CERS3: variants seen among roughly 807,000 people sequenced by gnomAD.
CERS3 encodes the protein LAG1 homolog, ceramide synthase 3.
CERS3 carries 33 observed loss-of-function variants against 50.3 expected under a neutral mutation model. The observed-to-expected ratio is 0.66, with a 90% CI of 0.50 to 0.88. The LOEUF (loss-of-function observed/expected upper bound fraction) is 0.88. CERS3 is among the 40% of genes least tolerant of loss of function. CERS3 has a pLI of 0.00. For missense variants in CERS3, 470 were observed against 460.3 expected, an observed-to-expected ratio of 1.02 and a Z score of -0.19; for synonymous variants, 176 against 155.2, an observed-to-expected ratio of 1.13 and a Z score of -0.99.
chr15:100,473,547 G>C (rs2035033844), intron 8 of CERS3, among the ~76,000 whole-genome samples: 1 of 152,178 alleles, frequency 6.6e-6, no homozygotes, highest in Admixed American at 6.5e-5. Context: ...ACACATGAAA[G>C]CATGCTCAAT....
chr15:100,440,698 A>G (rs1006664321), intron 11 of CERS3, among the ~76,000 whole-genome samples: 3 of 152,174 alleles, frequency 2.0e-5, no homozygotes, highest in African/African-American at 7.2e-5. Context: ...AGATCCACCT[A>G]CGACCTCAGG....
chr15:100,424,219 G>A (rs2032663207), intron 11 of CERS3, among the ~76,000 whole-genome samples: 1 of 152,194 alleles, frequency 6.6e-6, no homozygotes, highest in South Asian at 2.1e-4. Context: ...GGGATTACAG[G>A]TGTGAGCCAC....
intron 8 of CERS3, 144 bp downstream of exon 8, chr15:100,475,942 T>C (rs1222737246): frequency 2.5e-6 from 1 of 403,362 alleles, no homozygotes; most frequent in Non-Finnish European, 4.5e-6. Context: ...TAATTAGCAA[T>C]ATTTTATGTA....
In CERS3 at chr15:100,490,877, C is replaced by T; in HGVS notation, c.228G>A (p.Lys76=). 6.2e-7 allele frequency: 1 copy of T among 1,611,780 alleles called. No homozygotes were observed. The highest frequency in any genetic ancestry group is 1.1e-5 in the South Asian group (1 of 90,728). Residue 76 remains lysine, a synonymous_variant, in exon 4 of 12, where the codon AAG becomes AAA. Transcript: ENST00000679737. ...KSFGIKETVR[K]VTPNTVLENF... is the part of the protein sequence containing the mutation. ...TCTCTAAGACAGTATTTGGTGTAACCTTTCGAACTGTCTCTTTAATGCCAA... is the reference window on the plus strand; with the variant it reads ...TCTCTAAGACAGTATTTGGTGTAACTTTTCGAACTGTCTCTTTAATGCCAA...
intron 1 of CERS3, among the ~76,000 whole-genome samples, chr15:100,525,978 G>A (rs908763780): frequency 5.3e-5 from 8 of 152,162 alleles, no homozygotes; most frequent in Admixed American, 1.3e-4. Flanking sequence ...CAATTAGATC[G>A]TTGTATTGTG....
intron 3 of CERS3, among the ~76,000 whole-genome samples, chr15:100,493,891 C>T (rs2134613): frequency 0.93 from 141,925 of 152,082 alleles, 66,268 homozygotes; most frequent in East Asian, 0.99. Flanking sequence ...TGGTGAGACA[C>T]TGTTTTCATG....
At chr15:100,502,267 A>AAAAAAAAAAAAAAAAAAAAAAAAG (rs2036033219) in intron 2 of CERS3, among the ~76,000 whole-genome samples, 6 of 109,256 alleles carry the variant, frequency 5.5e-5, no homozygotes, top group Non-Finnish European at 7.2e-5. Flanking sequence ...AAAAAAAAAA[A>AAAAAAAAAAAAAAAAAAAAAAAAG]AAAGAAAGAA....
rs867621204 is a variant in CERS3 at position 100,528,899 on chromosome 15, T to C, written c.-178A>G. ...CTTCCAACGTTCCAACCAGCTTCGT[T>C]CTCCTCAGAGAGCAGCACAACTCAT... On this transcript the variant is annotated 5_prime_UTR_variant, in exon 1 of 12. Transcript: ENST00000679737. The C allele has an allele frequency of 6.6e-6, 1 of 152,110 alleles. No individual in the cohort carries two copies. Among genetic ancestry groups the C allele is most frequent in the Non-Finnish European group, 1.5e-5 (1 of 68,026 alleles). The allele number at this position is 152,110 out of a possible 1,614,324, so 9.4% of individuals were successfully genotyped here.
chr15:100,455,345 C>T (rs141820671), intron 11 of CERS3, among the ~76,000 whole-genome samples: 227 of 151,692 alleles, frequency 1.5e-3, no homozygotes, highest in Non-Finnish European at 2.7e-3. Flanking sequence ...AGAAAGGCTG[C>T]ATAATAGGTA....
In CERS3 at chr15:100,506,460, G is replaced by GACCC. The variant is rs1555533146; in HGVS notation, c.-1-4614_-1-4611dup. Reference sequence around the variant, plus strand: ...TGCTGACGGGGTGTGAAGAAATCGGGACCCCCCCGCCGCCCCACACACACA... The same window carrying GACCC: ...TGCTGACGGGGTGTGAAGAAATCGGGACCCACCCCCCCGCCGCCCCACACACACA... On this transcript the variant is annotated intron_variant, in intron 2 of 11. Transcript: ENST00000679737. 2.0e-3 allele frequency among the ~76,000 whole-genome samples: 15 copies of GACCC among 7,578 alleles called. No homozygotes were observed. The Non-Finnish European group carries it at 0.023, about 12-fold the overall frequency. 5.0% of individuals were successfully genotyped at this position (7,578 alleles called of 152,430 possible).
intron 4 of CERS3, among the ~76,000 whole-genome samples, chr15:100,486,539 C>T (rs2035491042): frequency 1.3e-5 from 2 of 152,174 alleles, no homozygotes; most frequent in African/African-American, 4.8e-5. Context: ...GAAAGGAAAC[C>T]ATGGACTACA....
chr15:100,414,034 A>G (rs1199951598), intron 11 of CERS3, among the ~76,000 whole-genome samples: 1 of 152,198 alleles, frequency 6.6e-6, no homozygotes, highest in Non-Finnish European at 1.5e-5. Context: ...AGCTGGTACC[A>G]ATCCTACTGA....
intron 9 of CERS3, 25 bp downstream of exon 9, chr15:100,472,899 T>C (rs775958807): frequency 6.2e-7 from 1 of 1,613,620 alleles, no homozygotes; most frequent in Non-Finnish European, 8.5e-7. Context: ...GTATTGTCAT[T>C]AGTTTTTTAA....
chr15:100,527,231 A>G (rs1350002896), intron 1 of CERS3, among the ~76,000 whole-genome samples: 4 of 152,210 alleles, frequency 2.6e-5, no homozygotes, highest in Admixed American at 2.6e-4. Context: ...CAGGAGGCAG[A>G]GGTTTCAGAG....
intron 11 of CERS3, among the ~76,000 whole-genome samples, chr15:100,411,422 A>G (rs566230039): frequency 1.4e-4 from 22 of 152,234 alleles, no homozygotes; most frequent in Admixed American, 8.5e-4. Flanking sequence ...TCGGGCTCCC[A>G]AAGTGTTGGG....
intron 1 of CERS3, among the ~76,000 whole-genome samples, chr15:100,536,700 A>G (rs1375988158): frequency 1.3e-5 from 2 of 152,246 alleles, no homozygotes; most frequent in Non-Finnish European, 2.9e-5. Context: ...TGACTGTCTT[A>G]GTCTGGAAGA....
At chr15:100,455,302 G>A (rs2034328830) in intron 11 of CERS3, among the ~76,000 whole-genome samples, 1 of 152,088 alleles carries the variant, frequency 6.6e-6, no homozygotes, top group Non-Finnish European at 1.5e-5. Flanking sequence ...ACCAGATTGG[G>A]AAGGGTGTGT....
intron 11 of CERS3, among the ~76,000 whole-genome samples, chr15:100,411,613 A>C (rs1431667522): frequency 6.6e-6 from 1 of 152,226 alleles, no homozygotes; most frequent in African/African-American, 2.4e-5. Flanking sequence ...AGATATTGAA[A>C]ACAGGACAAT....
chr15:100,433,907 G>C (rs771527897), intron 11 of CERS3, among the ~76,000 whole-genome samples: 3 of 152,254 alleles, frequency 2.0e-5, no homozygotes, highest in Non-Finnish European at 4.4e-5. Flanking sequence ...GCCCTCTTGA[G>C]GCCTGGGCTT....
Sources: gnomAD v4.1 joint callset for allele counts (sites outside exome capture counted in the v4.1 genomes callset) on GRCh38, gnomAD v4.1.1 for gene constraint, MANE v1.5 for transcripts, NCBI Gene and HGNC (gene_info 2026-07-23, HGNC 2026-07-21) for gene names.